The following BABAM2 variants were observed in gnomAD, a reference collection of about 807,000 sequenced individuals.
The protein encoded by BABAM2 is BRISC and BRCA1 A complex member 2, also known as BRISC and BRCA1-A complex member 2.
A neutral mutation model predicts 54.7 loss-of-function variants in BABAM2; 31 were observed. The observed-to-expected ratio is 0.57, with a 90% CI of 0.43 to 0.77. The LOEUF is 0.77. Among genes scored for constraint, BABAM2 ranks in the 30% least tolerant of loss-of-function variants. BABAM2 has a pLI of 0.00. For synonymous variants in BABAM2, 167 were observed against 162.9 expected, an observed-to-expected ratio of 1.03 and a Z score of -0.19; for missense variants, 364 against 455.8, an observed-to-expected ratio of 0.80 and a Z score of 1.83.
chr2:28,265,079 G>A (rs1684862606), intron 10 of BABAM2, among the ~76,000 whole-genome samples: 1 of 152,178 alleles, frequency 6.6e-6, no homozygotes, highest in African/African-American at 2.4e-5. Context: ...AAGGACTGTG[G>A]CTTCTAATTC....
chr2:27,973,736 A>G (rs1671393768), intron 3 of BABAM2, among the ~76,000 whole-genome samples: 1 of 152,166 alleles, frequency 6.6e-6, no homozygotes, highest in Admixed American at 6.5e-5. Flanking sequence ...TCACACATGG[A>G]ACCGGACAGA....
intron 10 of BABAM2, among the ~76,000 whole-genome samples, chr2:28,268,792 C>T (rs749018809): frequency 3.3e-5 from 5 of 152,140 alleles, no homozygotes; most frequent in Non-Finnish European, 5.9e-5. Context: ...CTTTAATTGC[C>T]TTGAAGTTTC....
At chr2:28,286,194 T>C (rs1686791782) in intron 10 of BABAM2, among the ~76,000 whole-genome samples, 1 of 152,028 alleles carries the variant, frequency 6.6e-6, no homozygotes, top group African/African-American at 2.4e-5. Context: ...GACCTCGTGA[T>C]CCACCCATCT....
chr2:28,191,989 A>G (rs768060238), intron 7 of BABAM2, among the ~76,000 whole-genome samples: 14 of 152,236 alleles, frequency 9.2e-5, no homozygotes, highest in African/African-American at 2.9e-4. Flanking sequence ...GCTGTTTTCA[A>G]CATGAGCTCA....
chr2:28,261,899 C>T (rs1009850673), intron 10 of BABAM2, among the ~76,000 whole-genome samples: 5 of 151,886 alleles, frequency 3.3e-5, no homozygotes, highest in East Asian at 1.9e-4. Flanking sequence ...GCTTTGGTTC[C>T]GGTACTGTCA....
At position 27,995,802 on chromosome 2, in the gene BABAM2, C is replaced by G. The variant is rs1483961871; in HGVS notation, c.300+7715C>G. Among the ~76,000 whole-genome samples, 1 of 152,032 alleles carries G rather than the reference C, an allele frequency of 6.6e-6. No homozygotes were observed. The highest frequency in any genetic ancestry group is 1.5e-5 in the Non-Finnish European group (1 of 67,988). On this transcript the variant is annotated intron_variant, in intron 4 of 11. Transcript: ENST00000379624. This position sits in a 1 kb window ranked among gnomAD's most constrained non-coding sequence, Gnocchi z 4.1. The stretch of plus-strand genomic sequence containing the variant: ...TCACCATGTTAGCCAGGATGGTCTC[C>G]ATCTCCTGACCTCATGATCTGCCCA...
At chr2:28,117,342 A>T (rs981712928) in intron 6 of BABAM2, among the ~76,000 whole-genome samples, 1 of 152,244 alleles carries the variant, frequency 6.6e-6, no homozygotes, top group Non-Finnish European at 1.5e-5. Flanking sequence ...AGTTTGATTT[A>T]CCGTGGTGTC....
chr2:28,110,648 A>T lies in BABAM2; in HGVS notation c.571-18623A>T, dbSNP rs567412386. ...CAAAAAAAAATAAATAAATAAAATA[A>T]AATAAAATAAAAAAACACAGGTGTG... On this transcript the variant is annotated intron_variant, in intron 6 of 11. Coordinates refer to ENST00000379624, the MANE Select transcript of BABAM2 (RefSeq NM_199191.3). 5.8e-4 allele frequency among the ~76,000 whole-genome samples: 88 copies of T among 152,100 alleles called. No homozygotes were observed. In the South Asian group the frequency reaches 0.016, roughly 28 times the overall value.
At position 28,205,345 on chromosome 2, in the gene BABAM2, CA is replaced by C. The variant is rs543550660; in HGVS notation, c.681-31849del. ...TAAAACCCCGTCTCTACTAAAAATA[CA>C]AAAAAAATTAGCTGGGCATGATGGC... On this transcript the variant is annotated intron_variant, in intron 7 of 11. Coordinates refer to ENST00000379624, the MANE Select transcript of BABAM2 (RefSeq NM_199191.3). Among the ~76,000 whole-genome samples, 29 of 151,386 alleles carry C rather than the reference CA, an allele frequency of 1.9e-4. 1 individual carries two copies. Among genetic ancestry groups the C allele is most frequent in the African/African-American group, 6.6e-4 (27 of 41,188 alleles).
chr2:28,237,206 C>T lies in BABAM2; in HGVS notation c.685C>T (p.Leu229Phe), dbSNP rs756236298. 1 of 1,613,394 alleles carries T rather than the reference C, an allele frequency of 6.2e-7. No homozygotes were observed. Among genetic ancestry groups the T allele is most frequent in the Non-Finnish European group, 8.5e-7 (1 of 1,179,436 alleles). ...ATTGTACTCTTGTCCTTTCAGTGCA[C>T]TTGGAGGCTCCTCAGCTCTTCATAT... The part of the protein sequence containing the change: ...LYLSPRIEHA[L>F]GGSSALHIPA... Residue 229 changes from leucine to phenylalanine, a missense_variant, in exon 8 of 12, where the codon CTT (leucine) becomes TTT (phenylalanine). Coordinates refer to ENST00000379624, the MANE Select transcript of BABAM2 (RefSeq NM_199191.3).
At chr2:27,920,590 T>G (rs1345211426) in intron 2 of BABAM2, among the ~76,000 whole-genome samples, 1 of 152,188 alleles carries the variant, frequency 6.6e-6, no homozygotes, top group African/African-American at 2.4e-5. Context: ...TATTTGAGAG[T>G]CACTTGTTAT....
rs772994078 is a variant in BABAM2, at chr2:28,322,857, A to G, written c.1089-15593A>G. Reference sequence around the variant, plus strand: ...TTTGTGATACAATTAAAATCCCCCAATGAAAGGCCTTGTATAAATGTAAAT... The same window carrying G: ...TTTGTGATACAATTAAAATCCCCCAGTGAAAGGCCTTGTATAAATGTAAAT... On this transcript the variant is annotated intron_variant, in intron 11 of 11. Transcript: ENST00000379624. This position sits in a 1 kb window ranked among gnomAD's most constrained non-coding sequence, Gnocchi z 4.1. 2.0e-5 allele frequency among the ~76,000 whole-genome samples: 3 copies of G among 152,248 alleles called. No individual in the cohort carries two copies. The highest frequency in any genetic ancestry group is 2.1e-4 in the South Asian group (1 of 4,836).
chr2:28,310,806 C>T (rs1028459350), intron 11 of BABAM2, among the ~76,000 whole-genome samples: 8 of 152,090 alleles, frequency 5.3e-5, no homozygotes, highest in African/African-American at 1.9e-4. Flanking sequence ...ATCACTTGAA[C>T]CGGGGAGGCA....
In BABAM2 at chr2:27,985,134, G is replaced by A. The variant is rs1329418607; in HGVS notation, c.206-2859G>A. Among the ~76,000 whole-genome samples the A allele has an allele frequency of 4.0e-5, 6 of 150,474 alleles. No homozygotes were observed. The East Asian group carries it at 1.2e-3, about 30-fold the overall frequency. On this transcript the variant is annotated intron_variant, in intron 3 of 11. Coordinates refer to ENST00000379624, the MANE Select transcript of BABAM2 (RefSeq NM_199191.3). ...TCTTTATCCGCTTGTTGACTGATGGGCATTTGGGCTGGTTCCATAGTTTTG... is the reference window on the plus strand; with the variant it reads ...TCTTTATCCGCTTGTTGACTGATGGACATTTGGGCTGGTTCCATAGTTTTG...
At chr2:28,102,272 G>A (rs1261433695) in intron 6 of BABAM2, among the ~76,000 whole-genome samples, 1 of 152,154 alleles carries the variant, frequency 6.6e-6, no homozygotes, top group African/African-American at 2.4e-5. Context: ...CAATACCAGA[G>A]AAAGAATTGG....
intron 3 of BABAM2, among the ~76,000 whole-genome samples, chr2:27,941,077 A>C (rs1041098961): frequency 5.9e-5 from 9 of 152,160 alleles, no homozygotes; most frequent in Admixed American, 5.2e-4. Context: ...GCTTGGGCCA[A>C]GTGACCACTT....
At chr2:28,020,971 A>ACG (rs1553413157) in intron 4 of BABAM2, among the ~76,000 whole-genome samples, 2 of 151,672 alleles carry the variant, frequency 1.3e-5, no homozygotes. Flanking sequence ...ACACACACAC[A>ACG]CACACACACA....
intron 4 of BABAM2, among the ~76,000 whole-genome samples, chr2:27,999,122 T>C (rs576417184): frequency 1.3e-5 from 2 of 152,260 alleles, no homozygotes; most frequent in Admixed American, 6.5e-5. Context: ...GAGACTATTA[T>C]CTTACTTGTC....
At chr2:28,150,885 A>T (rs187979348) in intron 7 of BABAM2, among the ~76,000 whole-genome samples, 45 of 152,120 alleles carry the variant, frequency 3.0e-4, no homozygotes, top group African/African-American at 5.8e-4. Context: ...TGTATTTTTT[A>T]AAAAAAACAA....
Sources: gnomAD v4.1 joint callset for allele counts (sites outside exome capture counted in the v4.1 genomes callset) on GRCh38, gnomAD v4.1.1 for gene constraint, Gnocchi (gnomAD v3.1) non-coding constraint, MANE v1.5 for transcripts, NCBI Gene and HGNC (gene_info 2026-07-23, HGNC 2026-07-21) for gene names.